Variants in PTTG1 observed in about 807,000 individuals in gnomAD.
PTTG1 encodes the protein securin.
In PTTG1, 8 loss-of-function variants were observed where a neutral mutation model predicts 20.0. That is an observed-to-expected ratio of 0.40 (90% CI 0.23 to 0.72). The LOEUF is 0.72. PTTG1 is among the 30% of genes least tolerant of loss of function. The pLI, the probability that PTTG1 is intolerant of heterozygous loss-of-function variation, is 0.38. For synonymous variants in PTTG1, 79 were observed against 87.2 expected (o/e 0.91, Z 0.52); for missense variants, 197 against 236.0 (o/e 0.83, Z 1.08).
intron 3 of PTTG1, among the ~76,000 whole-genome samples, chr5:160,423,652 G>A (rs542882497): frequency 6.0e-4 from 92 of 152,290 alleles, no homozygotes; most frequent in African/African-American, 2.1e-3. Flanking sequence ...GGAATTCTAG[G>A]CATGCATATG....
At chr5:160,424,655 T>TTA in intron 4 of PTTG1, 1 of 189,040 alleles carries the variant, frequency 5.3e-6, no homozygotes, top group Non-Finnish European at 1.1e-5. Context: ...GAAGTGAGCT[T>TTA]TATGTCAAGT....
In PTTG1 at chr5:160,424,267, T is replaced by A; in HGVS notation, c.307T>A (p.Ser103Thr). The change falls in exon 4 of 6, where the codon TCT becomes ACT. Residue 103 changes from serine to threonine, a missense_variant. By Grantham distance (58) the Ser-to-Thr change is moderately conservative (BLOSUM62 1). Coordinates refer to ENST00000352433, the MANE Select transcript of PTTG1 (RefSeq NM_004219.4). ...MTEKTVKAKS[S>T]VPASDDAYPE... ...TGAGAAGACTGTTAAAGCAAAAAGC[T>A]CTGTTCCTGCCTCAGATGATGCCTA... is the stretch of plus-strand genomic sequence containing the variant. The A allele has an allele frequency of 6.2e-7, 1 of 1,612,776 alleles. No individual in the cohort carries two copies. Among genetic ancestry groups the A allele is most frequent in the Non-Finnish European group, 8.5e-7 (1 of 1,178,928 alleles).
chr5:160,422,361 C>T lies in PTTG1; in HGVS notation c.49C>T (p.Arg17Cys), dbSNP rs1765728124. 1 of 1,613,956 alleles carries T rather than the reference C, an allele frequency of 6.2e-7. No individual in the cohort carries two copies. Among genetic ancestry groups the T allele is most frequent in the Non-Finnish European group, 8.5e-7 (1 of 1,180,002 alleles). Residue 17 changes from arginine to cysteine, a missense_variant, in exon 2 of 6, where the codon CGT (arginine) becomes TGT (cysteine). Transcript: ENST00000352433. ...TAAGGAAAATGGAGAACCAGGCACC[C>T]GTGTGGTTGCTAAGGATGGGCTGAA... ...VDKENGEPGT[R>C]VVAKDGLKLG...
chr5:160,422,975 G>A (rs893117544), intron 3 of PTTG1, 82 bp downstream of exon 3: 1 of 1,443,590 alleles, frequency 6.9e-7, no homozygotes, highest in African/African-American at 1.4e-5. Flanking sequence ...ATCCTACGTA[G>A]CTTTCTTCCC....
intron 5 of PTTG1, 64 bp from the exon 6 acceptor site, chr5:160,428,538 A>G (rs758224411): frequency 4.3e-6 from 6 of 1,379,856 alleles, no homozygotes; most frequent in South Asian, 2.3e-5. Flanking sequence ...GCTAATGTCT[A>G]TGTTGATATG....
In PTTG1 at chr5:160,428,603, T is replaced by A. The variant is rs1765853768; in HGVS notation, c.531T>A (p.Asn177Lys). 1 of 1,613,618 alleles carries A rather than the reference T, an allele frequency of 6.2e-7. No individual in the cohort carries two copies. Among genetic ancestry groups the A allele is most frequent in the Non-Finnish European group, 8.5e-7 (1 of 1,179,548 alleles). ...VKMPSPPWES[N>K]LLQSPSSILS... is the part of the protein sequence containing the mutation. ...TAATAAGAGATTCCTGTTTTCTAGA[T>A]CTGTTGCAGTCTCCTTCAAGCATTC... Residue 177 changes from asparagine to lysine, a missense_variant and splice_region_variant, in exon 6 of 6, where the codon AAT becomes AAA. By Grantham distance (94) the Asn-to-Lys change is moderately conservative. Coordinates refer to ENST00000352433, the MANE Select transcript of PTTG1 (RefSeq NM_004219.4).
At position 160,428,632 on chromosome 5, in the gene PTTG1, C is replaced by T. The variant is rs376226386; in HGVS notation, c.560C>T (p.Ser187Leu). Reference protein sequence around the residue: ...NLLQSPSSILSTLDVELPPVC... With the variant: ...NLLQSPSSILLTLDVELPPVC... ...TTGCAGTCTCCTTCAAGCATTCTGT[C>T]GACCCTGGATGTTGAATTGCCACCT... is the stretch of plus-strand genomic sequence containing the variant. The change falls in exon 6 of 6, where the codon TCG (serine) becomes TTG (leucine). Residue 187 changes from serine (S) to leucine (L), a missense_variant. By Grantham distance (145) the Ser-to-Leu change is moderately radical. Transcript: ENST00000352433. The T allele has an allele frequency of 3.2e-5, 51 of 1,613,918 alleles. No individual in the cohort carries two copies. The African/African-American group carries it at 3.9e-4, about 12-fold the overall frequency.
intron 4 of PTTG1, among the ~76,000 whole-genome samples, chr5:160,426,107 A>G (rs1317304727): frequency 6.6e-6 from 1 of 152,168 alleles, no homozygotes; most frequent in African/African-American, 2.4e-5. Context: ...CTTAGAAATT[A>G]TTGAAGACCA....
intron 5 of PTTG1, 120 bp downstream of exon 5, chr5:160,427,993 C>T: frequency 1.6e-6 from 2 of 1,256,656 alleles, no homozygotes; most frequent in South Asian, 2.9e-5. Flanking sequence ...CTTCAAATGA[C>T]AAGGATTAGT....
chr5:160,422,680 A>G (rs750718402), intron 2 of PTTG1, 29 bp from the exon 3 acceptor site: 8 of 1,611,402 alleles, frequency 5.0e-6, no homozygotes, highest in East Asian at 2.2e-5. Context: ...TGCTGCTGGA[A>G]TATTCTTATG....
chr5:160,423,045 C>T (rs1379820605), intron 3 of PTTG1, 152 bp downstream of exon 3: 1 of 743,208 alleles, frequency 1.3e-6, no homozygotes, highest in Non-Finnish European at 2.2e-6. Flanking sequence ...TCAGATTGTC[C>T]TTGTGGACTT....
chr5:160,426,881 A>G (rs1418807756), intron 4 of PTTG1, among the ~76,000 whole-genome samples: 1 of 152,132 alleles, frequency 6.6e-6, no homozygotes. Flanking sequence ...CGTCTGTACT[A>G]AAAATACAAA....
At chr5:160,427,084 C>T (rs1033399862) in intron 4 of PTTG1, among the ~76,000 whole-genome samples, 15 of 152,066 alleles carry the variant, frequency 9.9e-5, no homozygotes, top group East Asian at 1.9e-4. Context: ...AAAATTTTAA[C>T]GTTTTATATT....
intron 3 of PTTG1, chr5:160,423,126 C>T: frequency 1.9e-6 from 1 of 518,516 alleles, no homozygotes; most frequent in Non-Finnish European, 3.5e-6. Flanking sequence ...ATTTTTGCCT[C>T]ACCTGTCCTT....
chr5:160,424,547 GT>G (rs1269106406), intron 4 of PTTG1: 3 of 455,028 alleles, frequency 6.6e-6, no homozygotes, highest in East Asian at 7.6e-5. Flanking sequence ...AGAAGACATT[GT>G]TCCTGTCTGT....
Position 160,427,807 on chromosome 5 carries a change from C to A in PTTG1, c.463C>A (p.Leu155Ile). The change falls in exon 5 of 6, where the codon CTT becomes ATT. Residue 155 changes from leucine to isoleucine, a missense_variant. Transcript: ENST00000352433. ...PLMILDEERE[L>I]EKLFQLGPPS... is the part of the protein sequence containing the mutation. The stretch of plus-strand genomic sequence containing the variant: ...CATGATCCTTGACGAGGAGAGAGAG[C>A]TTGAAAAGCTGTTTCAGCTGGGCCC... The A allele has an allele frequency of 6.2e-7, 1 of 1,614,066 alleles. No homozygotes were observed. Among genetic ancestry groups the A allele is most frequent in the Non-Finnish European group, 8.5e-7 (1 of 1,179,998 alleles).
At chr5:160,423,895 C>T (rs906874186) in intron 3 of PTTG1, among the ~76,000 whole-genome samples, 1 of 152,134 alleles carries the variant, frequency 6.6e-6, no homozygotes, top group African/African-American at 2.4e-5. Context: ...AATCACACTC[C>T]TATAAGCCAA....
At chr5:160,422,485 G>C in intron 2 of PTTG1, 82 bp downstream of exon 2, 1 of 1,298,206 alleles carries the variant, frequency 7.7e-7, no homozygotes, top group Non-Finnish European at 1.1e-6. Flanking sequence ...TGTACTTTTT[G>C]GGCAATTGGA....
chr5:160,428,058 CA>C (rs1402530558), intron 5 of PTTG1, among the ~76,000 whole-genome samples, 185 bp downstream of exon 5: 1 of 152,156 alleles, frequency 6.6e-6, no homozygotes, highest in Non-Finnish European at 1.5e-5. Context: ...CCAAATGCCC[CA>C]GTAAAATTGT....
Sources: gnomAD v4.1 joint callset for allele counts (sites outside exome capture counted in the v4.1 genomes callset) on GRCh38, gnomAD v4.1.1 for gene constraint, MANE v1.5 for transcripts, NCBI Gene and HGNC (gene_info 2026-07-23, HGNC 2026-07-21) for gene names.